The following SUGCT variants were observed in gnomAD, a reference collection of about 807,000 sequenced individuals.
SUGCT encodes the protein succinyl-CoA:glutarate-CoA transferase.
In SUGCT, 41 loss-of-function variants were observed where a neutral mutation model predicts 55.0. That is an observed-to-expected ratio of 0.74 (90% CI 0.58 to 0.97). The LOEUF (loss-of-function observed/expected upper bound fraction) is 0.97, where lower values mean the gene tolerates loss of function less well. Among genes scored for constraint, SUGCT ranks in the 50% least tolerant of loss-of-function variants. The pLI, the probability that SUGCT is intolerant of heterozygous loss-of-function variation, is 0.00. For missense variants in SUGCT, 568 were observed against 547.8 expected (o/e 1.04, Z -0.37); for synonymous variants, 187 against 200.4 (o/e 0.93, Z 0.56).
At position 40,481,345 on chromosome 7, in the gene SUGCT, G is replaced by GAT. The variant is rs760477911; in HGVS notation, c.987-14930_987-14929dup. ...AGAGTGAGACCCTACCTCAAGAAAA[G>GAT]ATATATATATTATATATATATAATA... On this transcript the variant is annotated intron_variant, in intron 11 of 13. Coordinates refer to ENST00000335693, the MANE Select transcript of SUGCT (RefSeq NM_001193313.2). Among the ~76,000 whole-genome samples the GAT allele has an allele frequency of 1.9e-3, 293 of 150,724 alleles. 1 individual carries two copies. In the Middle Eastern group the frequency reaches 0.024, roughly 13 times the overall value.
chr7:40,954,025 G>A, the SUGCT span, among the ~76,000 whole-genome samples: 11 of 152,342 alleles, frequency 7.2e-5, no homozygotes, highest in South Asian at 4.1e-4. Flanking sequence ...GCTGCCTTTT[G>A]TTCAGCTATG....
chr7:40,613,419 C>T (rs1009613800), intron 12 of SUGCT, among the ~76,000 whole-genome samples: 1 of 152,152 alleles, frequency 6.6e-6, no homozygotes, highest in South Asian at 2.1e-4. Flanking sequence ...TCACTTAGCT[C>T]CATCATGACT....
chr7:40,653,255 A>G (rs1295408577), intron 12 of SUGCT, among the ~76,000 whole-genome samples: 1 of 152,202 alleles, frequency 6.6e-6, no homozygotes, highest in Non-Finnish European at 1.5e-5. Flanking sequence ...AAAATGGTGG[A>G]CTATTCAAAG....
chr7:40,637,552 C>G (rs556963027), intron 12 of SUGCT, among the ~76,000 whole-genome samples: 1 of 152,322 alleles, frequency 6.6e-6, no homozygotes, highest in South Asian at 2.1e-4. Context: ...AACATCAGAT[C>G]CTAGTCAGCA....
chr7:40,550,750 A>C (rs1795252118), intron 12 of SUGCT, among the ~76,000 whole-genome samples: 2 of 152,202 alleles, frequency 1.3e-5, no homozygotes, highest in Admixed American at 6.5e-5. Flanking sequence ...TCCTAGCCAG[A>C]ATAGCCATTG....
At chr7:40,847,889 G>C (rs980801450) in intron 13 of SUGCT, among the ~76,000 whole-genome samples, 4 of 152,128 alleles carry the variant, frequency 2.6e-5, no homozygotes, top group African/African-American at 9.7e-5. Context: ...AGGCTGAGTC[G>C]TGCAATGCCC....
chr7:40,491,659 C>CA lies in SUGCT; in HGVS notation c.987-4615dup, dbSNP rs11356280. On this transcript the variant is annotated intron_variant, in intron 11 of 13. Coordinates refer to ENST00000335693, the MANE Select transcript of SUGCT (RefSeq NM_001193313.2). ...AGAGAACAAAGAGTACTGGGAGTGT[C>CA]AAAAAAAAAAGCACAAATATCCAAA... Among the ~76,000 whole-genome samples the CA allele has an allele frequency of 8.6e-3, 1,276 of 147,738 alleles. 7 individuals are homozygous for CA. Among genetic ancestry groups the CA allele is most frequent in the South Asian group, 0.023 (104 of 4,602 alleles).
chr7:40,500,878 C>T (rs1792244982), intron 12 of SUGCT, among the ~76,000 whole-genome samples: 1 of 149,402 alleles, frequency 6.7e-6, no homozygotes, highest in Admixed American at 6.7e-5. Flanking sequence ...GACACGCACA[C>T]ACACAAACAC....
intron 12 of SUGCT, among the ~76,000 whole-genome samples, chr7:40,605,136 A>G (rs1476163448): frequency 6.6e-6 from 1 of 152,272 alleles, no homozygotes; most frequent in Non-Finnish European, 1.5e-5. Context: ...CTCTACCAGC[A>G]TAAGACGATG....
chr7:40,654,028 G>A (rs1800901458), intron 12 of SUGCT, among the ~76,000 whole-genome samples: 1 of 151,732 alleles, frequency 6.6e-6, no homozygotes, highest in Non-Finnish European at 1.5e-5. Context: ...AGGATATTTT[G>A]CATACATAGA....
At chr7:40,408,074 G>A (rs1258106993) in intron 9 of SUGCT, among the ~76,000 whole-genome samples, 2 of 152,006 alleles carry the variant, frequency 1.3e-5, no homozygotes, top group Non-Finnish European at 2.9e-5. Flanking sequence ...GCAAATTGAA[G>A]ATGATACCTT....
intron 9 of SUGCT, among the ~76,000 whole-genome samples, chr7:40,327,846 A>G (rs1434889533): frequency 6.6e-6 from 1 of 152,228 alleles, no homozygotes; most frequent in Non-Finnish European, 1.5e-5. Context: ...ATCAATGATT[A>G]CTGTGTTATT....
chr7:40,852,928 A>T (rs1268308317), intron 13 of SUGCT, among the ~76,000 whole-genome samples: 2 of 152,238 alleles, frequency 1.3e-5, no homozygotes, highest in East Asian at 3.9e-4. Context: ...ATTGGGTTTA[A>T]TAAGTGCTTA....
At chr7:40,929,738 C>T in the SUGCT span, among the ~76,000 whole-genome samples, 1 of 152,316 alleles carries the variant, frequency 6.6e-6, no homozygotes, top group African/African-American at 2.4e-5. Flanking sequence ...ACTGTCTGTT[C>T]ATATCCTTCA....
chr7:40,853,073 C>T (rs935993800), intron 13 of SUGCT, among the ~76,000 whole-genome samples: 3 of 143,408 alleles, frequency 2.1e-5, no homozygotes, highest in African/African-American at 7.8e-5. Flanking sequence ...CAGCACAACA[C>T]TTCAAAAAAA....
At chr7:40,670,420 CAAACTT>C (rs1801881570) in intron 12 of SUGCT, among the ~76,000 whole-genome samples, 2 of 151,868 alleles carry the variant, frequency 1.3e-5, no homozygotes, top group Admixed American at 1.3e-4. Flanking sequence ...CAAAGACTGA[CAAACTT>C]AAAAAGGAGA....
the SUGCT span, among the ~76,000 whole-genome samples, chr7:41,037,059 C>T: frequency 8.5e-5 from 13 of 152,182 alleles, no homozygotes; most frequent in Non-Finnish European, 4.4e-5. Flanking sequence ...AATTACCTCA[C>T]TTATAAAATG....
the SUGCT span, among the ~76,000 whole-genome samples, chr7:40,932,939 G>A: frequency 2.6e-5 from 4 of 152,222 alleles, no homozygotes; most frequent in East Asian, 3.9e-4. Context: ...TACATTTAAA[G>A]TTAATATTGT....
In SUGCT at chr7:40,387,244, G is replaced by A. The variant is rs183535920; in HGVS notation, c.817-62043G>A. The stretch of plus-strand genomic sequence containing the variant: ...TTTGTAACTTACCTTGCACCCAAAC[G>A]TAGGTATTATTCATCTCCCTTCAAA... On this transcript the variant is annotated intron_variant, in intron 9 of 13. Transcript: ENST00000335693. 3.4e-4 allele frequency among the ~76,000 whole-genome samples: 52 copies of A among 152,276 alleles called. 1 individual carries two copies. Among genetic ancestry groups the A allele is most frequent in the African/African-American group, 1.2e-3 (49 of 41,568 alleles).
Sources: gnomAD v4.1 joint callset for allele counts (sites outside exome capture counted in the v4.1 genomes callset) on GRCh38, gnomAD v4.1.1 for gene constraint, MANE v1.5 for transcripts, NCBI Gene and HGNC (gene_info 2026-07-23, HGNC 2026-07-21) for gene names.